The following RPSA2 variants were observed in gnomAD, a reference collection of about 807,000 sequenced individuals.
RPSA2 encodes small ribosomal subunit protein uS2B.
the RPSA2 span, among the ~76,000 whole-genome samples, chr19:23,823,335 A>T: frequency 6.6e-6 from 1 of 152,112 alleles, no homozygotes; most frequent in African/African-American, 2.4e-5. Flanking sequence ...GAGTTTTCAG[A>T]CACTGCTTAG....
chr19:23,821,946 A>G, the RPSA2 span, among the ~76,000 whole-genome samples: 1 of 152,122 alleles, frequency 6.6e-6, no homozygotes, highest in African/African-American at 2.4e-5. Flanking sequence ...CTCGGTGGCC[A>G]CTTCTATAAG....
chr19:23,791,624 T>C, the RPSA2 span, among the ~76,000 whole-genome samples: 1 of 152,200 alleles, frequency 6.6e-6, no homozygotes, highest in Non-Finnish European at 1.5e-5. Flanking sequence ...TACAGCAAAA[T>C]ACTAAATTTC....
At chr19:23,820,312 G>A in the RPSA2 span, among the ~76,000 whole-genome samples, 2 of 152,180 alleles carry the variant, frequency 1.3e-5, no homozygotes, top group East Asian at 3.9e-4. Flanking sequence ...GTTCCTTGGT[G>A]GAATTGCCTC....
the RPSA2 span, among the ~76,000 whole-genome samples, chr19:23,826,395 G>T: frequency 6.6e-6 from 1 of 151,636 alleles, no homozygotes; most frequent in Non-Finnish European, 1.5e-5. Flanking sequence ...GTTTCACCAT[G>T]TTGGCCAGCG....
chr19:23,788,111 C>A, the RPSA2 span, among the ~76,000 whole-genome samples: 1 of 152,262 alleles, frequency 6.6e-6, no homozygotes, highest in Admixed American at 6.5e-5. Flanking sequence ...TAGGTCTCTC[C>A]TTATCTTTCT....
the RPSA2 span, among the ~76,000 whole-genome samples, chr19:23,862,164 T>C: frequency 6.6e-6 from 1 of 152,184 alleles, no homozygotes; most frequent in Non-Finnish European, 1.5e-5. Context: ...TCACTCGTGA[T>C]TTGGCTCTCT....
At chr19:23,820,298 G>A in the RPSA2 span, among the ~76,000 whole-genome samples, 1 of 152,210 alleles carries the variant, frequency 6.6e-6, no homozygotes, top group African/African-American at 2.4e-5. Context: ...TTTTTCCCAT[G>A]TGAGTTCCTT....
chr19:23,788,899 AC>A, the RPSA2 span, among the ~76,000 whole-genome samples: 1 of 151,978 alleles, frequency 6.6e-6, no homozygotes, highest in South Asian at 2.1e-4. Flanking sequence ...GGGATCAGCC[AC>A]CAGGTGTGTG....
the RPSA2 span, among the ~76,000 whole-genome samples, chr19:23,848,630 G>A: frequency 1.3e-5 from 2 of 152,224 alleles, no homozygotes; most frequent in African/African-American, 4.8e-5. Context: ...TCCCATGAAT[G>A]ATCAGTCTTG....
the RPSA2 span, among the ~76,000 whole-genome samples, chr19:23,867,160 T>A: frequency 6.6e-6 from 1 of 151,788 alleles, no homozygotes; most frequent in African/African-American, 2.4e-5. Flanking sequence ...TAAAAAAAAA[T>A]GTATGGGCTT....
chr19:23,776,076 A>G, the RPSA2 span, among the ~76,000 whole-genome samples: 1 of 152,150 alleles, frequency 6.6e-6, no homozygotes, highest in African/African-American at 2.4e-5. Flanking sequence ...AAGACATTGT[A>G]GTATATCTCA....
chr19:23,855,249 G>A, the RPSA2 span, among the ~76,000 whole-genome samples: 8 of 152,212 alleles, frequency 5.3e-5, no homozygotes, highest in East Asian at 3.9e-4. Context: ...GCCTGCAGAC[G>A]GGCCTTCTCT....
the RPSA2 span, chr19:23,831,955 A>G: frequency 5.5e-6 from 2 of 364,526 alleles, no homozygotes; most frequent in Non-Finnish European, 5.6e-6. Flanking sequence ...CATTTATACT[A>G]GAGAGAAGTC....
the RPSA2 span, chr19:23,819,502 C>T: frequency 1.3e-5 from 2 of 152,104 alleles, no homozygotes; most frequent in Non-Finnish European, 2.9e-5. Context: ...ATATGGGTCC[C>T]AGTGTTGTTG....
chr19:23,831,583 T>G, the RPSA2 span: 1 of 164,512 alleles, frequency 6.1e-6, no homozygotes, highest in Non-Finnish European at 1.5e-5. Flanking sequence ...TTATTTTTAT[T>G]TTTATTTTTT....
the RPSA2 span, among the ~76,000 whole-genome samples, chr19:23,785,581 T>A: frequency 2.6e-5 from 4 of 152,084 alleles, no homozygotes; most frequent in Admixed American, 6.6e-5. Context: ...GCTGCCTGTC[T>A]TGCTTTCAGG....
At chr19:23,790,820 G>A in the RPSA2 span, 1 of 538,360 alleles carries the variant, frequency 1.9e-6, no homozygotes, top group Non-Finnish European at 3.4e-6. Flanking sequence ...AGGGCTGGTT[G>A]GAACTGGTGG....
At chr19:23,812,949 G>C in the RPSA2 span, among the ~76,000 whole-genome samples, 1 of 152,066 alleles carries the variant, frequency 6.6e-6, no homozygotes, top group Non-Finnish European at 1.5e-5. Flanking sequence ...GTCACAGCCA[G>C]GCATAGTGGT....
At chr19:23,811,006 CTTTTTTTT>C in the RPSA2 span, among the ~76,000 whole-genome samples, 1 of 130,470 alleles carries the variant, frequency 7.7e-6, no homozygotes. Flanking sequence ...CTTAAAGGCA[CTTTTTTTT>C]TTTTTTTTTT....
Sources: allele counts gnomAD v4.1 joint callset (sites outside exome capture counted in the v4.1 genomes callset), GRCh38; gene constraint gnomAD v4.1.1; transcripts MANE v1.5; gene names NCBI Gene and HGNC (gene_info 2026-07-23, HGNC 2026-07-21).